The following ESR2 variants were observed in gnomAD, a reference collection of about 807,000 sequenced individuals.
ESR2 encodes the protein estrogen receptor 2, also known as estrogen receptor beta.
ESR2 carries 36 observed loss-of-function variants against 49.6 expected under a neutral mutation model. The ratio of observed to expected loss-of-function variants is 0.73; its 90% CI spans 0.56 to 0.96. ESR2 has a LOEUF of 0.96. Among genes scored for constraint, ESR2 ranks in the 40% least tolerant of loss-of-function variants. The probability of loss-of-function intolerance (pLI) is 0.00; values close to 1 mark genes in which losing one functional copy is unlikely to be tolerated. For synonymous variants in ESR2, 320 were observed against 266.1 expected (o/e 1.20, Z -1.97); for missense variants, 714 against 693.0 (o/e 1.03, Z -0.34).
At chr14:64,247,289 T>C (rs2075881342) in intron 7 of ESR2, among the ~76,000 whole-genome samples, 1 of 152,038 alleles carries the variant, frequency 6.6e-6, no homozygotes, top group African/African-American at 2.4e-5. Context: ...AAAGTAACTA[T>C]CCTTAACACT....
intron 3 of ESR2, among the ~76,000 whole-genome samples, chr14:64,273,984 G>A (rs2076503371): frequency 6.8e-6 from 1 of 146,284 alleles, no homozygotes; most frequent in South Asian, 2.1e-4. Flanking sequence ...CCATCACCCA[G>A]GCTAGAATGC....
intron 1 of ESR2, among the ~76,000 whole-genome samples, chr14:64,332,474 T>C (rs1020180592): frequency 5.9e-5 from 9 of 152,196 alleles, no homozygotes; most frequent in African/African-American, 1.9e-4. Flanking sequence ...TATAAGAGGA[T>C]ACATTAATGA....
chr14:64,305,423 C>T (rs555615677), intron 1 of ESR2, among the ~76,000 whole-genome samples: 226 of 152,126 alleles, frequency 1.5e-3, no homozygotes, highest in African/African-American at 5.2e-3. Context: ...GTAATCCCAG[C>T]ACTTTGGGAG....
chr14:64,260,853 T>TTA, intron 4 of ESR2, 105 bp from the exon 5 acceptor site: 1 of 1,095,030 alleles, frequency 9.1e-7, no homozygotes. Context: ...GTACCAAAGA[T>TTA]TACTATGGTC....
intron 1 of ESR2, among the ~76,000 whole-genome samples, chr14:64,332,488 T>C (rs965573739): frequency 2.0e-5 from 3 of 152,144 alleles, no homozygotes; most frequent in Non-Finnish European, 4.4e-5. Flanking sequence ...TTAATGACCA[T>C]CTTTTCTCCT....
At chr14:64,273,091 G>A (rs1319426791) in intron 3 of ESR2, among the ~76,000 whole-genome samples, 5 of 151,066 alleles carry the variant, frequency 3.3e-5, no homozygotes, top group Non-Finnish European at 7.4e-5. Context: ...TAATTCCCAG[G>A]TATTTTATTT....
chr14:64,254,134 A>G (rs1296914886), intron 6 of ESR2, among the ~76,000 whole-genome samples: 1 of 152,200 alleles, frequency 6.6e-6, no homozygotes, highest in Admixed American at 6.5e-5. Flanking sequence ...CAGAAATTAT[A>G]GTTTCAGTAT....
At chr14:64,233,659 T>C (rs1267120015) in intron 8 of ESR2, 11 of 259,726 alleles carry the variant, frequency 4.2e-5, no homozygotes. Context: ...GTTAGGTTCC[T>C]GCAAGCCTCT....
At chr14:64,294,857 T>C (rs1029452634), upstream of ESR2, among the ~76,000 whole-genome samples, 2 of 152,210 alleles carry the variant, frequency 1.3e-5, no homozygotes, top group Non-Finnish European at 2.9e-5. Flanking sequence ...GGGAGTGGGT[T>C]CTCAGCTCTC....
At chr14:64,294,810 G>C (rs1052368855), upstream of ESR2, among the ~76,000 whole-genome samples, 1 of 152,222 alleles carries the variant, frequency 6.6e-6, no homozygotes, top group African/African-American at 2.4e-5. Flanking sequence ...ACGTAACCTC[G>C]GGCCCTGGAG....
intron 1 of ESR2, among the ~76,000 whole-genome samples, chr14:64,323,693 TTTTG>T (rs1383008878): frequency 3.3e-5 from 5 of 152,272 alleles, no homozygotes; most frequent in South Asian, 2.1e-4. Flanking sequence ...TTAAGTCCTA[TTTTG>T]TTTGTTTGTT....
chr14:64,247,285 A>T (rs139594265), intron 7 of ESR2, among the ~76,000 whole-genome samples: 526 of 152,286 alleles, frequency 3.5e-3, no homozygotes, highest in Non-Finnish European at 5.7e-3. Context: ...TGCAAAAGTA[A>T]CTATCCTTAA....
intron 2 of ESR2, 72 bp from the exon 3 acceptor site, chr14:64,280,225 T>A (rs1486059864): frequency 6.6e-5 from 60 of 905,790 alleles, no homozygotes; most frequent in Non-Finnish European, 8.6e-5. Context: ...GAAAAAAAAA[T>A]AGCATGAACA....
rs1297193396 is a variant in ESR2, at chr14:64,283,061, G to A, written c.-76C>T. On this transcript the variant is annotated 5_prime_UTR_variant, in exon 2 of 9. Coordinates refer to ENST00000341099, the MANE Select transcript of ESR2 (RefSeq NM_001437.3). ...CATTATAATGTTCTCAAAGATTCGT[G>A]GGCAAGTATAATGGCTGTAAAGAAA... 1.2e-5 allele frequency: 17 copies of A among 1,465,432 alleles called. No individual in the cohort carries two copies. The African/African-American group carries it at 1.4e-4, about 12-fold the overall frequency. The allele number at this position is 1,465,432 out of a possible 1,614,324, so 90.8% of individuals were successfully genotyped here. A position where few individuals can be genotyped will look rare whatever the true frequency, so the allele number is the denominator to read the frequency against.
chr14:64,233,400 T>C (rs547986590), intron 8 of ESR2, 77 bp from the exon 9 acceptor site: 203 of 1,445,564 alleles, frequency 1.4e-4, no homozygotes, highest in African/African-American at 8.5e-4. Context: ...CCGGCTCTCT[T>C]TGCTCAGAGC....
chr14:64,254,008 G>A (rs1298164984), intron 6 of ESR2, among the ~76,000 whole-genome samples: 6 of 152,112 alleles, frequency 3.9e-5, no homozygotes, highest in Non-Finnish European at 8.8e-5. Flanking sequence ...GAATTTAGTG[G>A]TTAGTAAAAG....
Position 64,248,505 on chromosome 14 carries a change from C to CAA in ESR2, c.1225+1039_1225+1040dup, listed in dbSNP as rs56108535. ...TGGGCAGCAGAGCAAGATCCTGTCT[C>CAA]AAAAAAAAAAAAAAAAAGAAAAAAA... On this transcript the variant is annotated intron_variant, in intron 7 of 8. Transcript: ENST00000341099. Among the ~76,000 whole-genome samples, 280 of 87,200 alleles carry CAA rather than the reference C, an allele frequency of 3.2e-3. 4 individuals carry two copies. Among genetic ancestry groups the CAA allele is most frequent in the Middle Eastern group, 6.8e-3 (1 of 146 alleles). 57.2% of individuals were successfully genotyped at this position (87,200 alleles called of 152,430 possible).
Position 64,282,940 on chromosome 14 carries a change from A to C in ESR2, c.46T>G (p.Tyr16Asp). The change falls in exon 2 of 9, where the codon TAC becomes GAC. Residue 16 changes from tyrosine to aspartate, a missense_variant. Coordinates refer to ENST00000341099, the MANE Select transcript of ESR2 (RefSeq NM_001437.3). ...SPSSLNSPSS[Y>D]NCSQSILPLE... ...GGTAAGATGGATTGACTGCAGTTGT[A>C]GGAGGAAGGAGAATTAAGGCTAGAT... is the stretch of plus-strand genomic sequence containing the variant. 1 of 1,614,062 alleles carries C rather than the reference A, an allele frequency of 6.2e-7. No individual in the cohort carries two copies. The highest frequency in any genetic ancestry group is 8.5e-7 in the Non-Finnish European group (1 of 1,179,926).
chr14:64,311,815 A>AAAAAAC (rs897161775), intron 1 of ESR2, among the ~76,000 whole-genome samples: 14 of 152,060 alleles, frequency 9.2e-5, no homozygotes, highest in Admixed American at 1.3e-4. Context: ...CATCTCTAAA[A>AAAAAAC]AAAAACAAAA....
Sources: gnomAD v4.1 joint callset for allele counts (sites outside exome capture counted in the v4.1 genomes callset) on GRCh38, gnomAD v4.1.1 for gene constraint, MANE v1.5 for transcripts, NCBI Gene and HGNC (gene_info 2026-07-23, HGNC 2026-07-21) for gene names.